Variants in ACAD10 observed in about 807,000 individuals in gnomAD.
The protein encoded by ACAD10 is acyl-CoA dehydrogenase family member 10.
ACAD10 carries 112 observed loss-of-function variants against 116.8 expected under a neutral mutation model. That is an observed-to-expected ratio of 0.96 (90% CI 0.82 to 1.12). The LOEUF (loss-of-function observed/expected upper bound fraction) is 1.12, where lower values mean the gene tolerates loss of function less well. Among genes scored for constraint, ACAD10 ranks in the 50% most tolerant of loss-of-function variants. The probability of loss-of-function intolerance (pLI) is 0.00; values close to 1 mark genes in which losing one functional copy is unlikely to be tolerated. For missense variants in ACAD10, 1,259 were observed against 1,350.2 expected, an observed-to-expected ratio of 0.93 and a Z score of 1.06; for synonymous variants, 486 against 510.6, an observed-to-expected ratio of 0.95 and a Z score of 0.65.
chr12:111,749,466 C>A, intron 18 of ACAD10, 121 bp downstream of exon 18: 1 of 1,330,462 alleles, frequency 7.5e-7, no homozygotes, highest in Non-Finnish European at 1.0e-6. Flanking sequence ...AGGTGATGTC[C>A]TTGCCAAGAA....
intron 4 of ACAD10, among the ~76,000 whole-genome samples, 176 bp from the exon 5 acceptor site, chr12:111,709,350 T>G (rs1217999303): frequency 6.6e-6 from 1 of 152,226 alleles, no homozygotes; most frequent in East Asian, 1.9e-4. Context: ...CCCAGTATTG[T>G]CAAATTACTC....
chr12:111,717,977 T>A (rs1238781069), intron 7 of ACAD10, among the ~76,000 whole-genome samples: 1 of 151,978 alleles, frequency 6.6e-6, no homozygotes, highest in African/African-American at 2.4e-5. Context: ...CTGTTGAATT[T>A]ATGATTTATA....
intron 2 of ACAD10, among the ~76,000 whole-genome samples, chr12:111,700,725 T>G (rs886928453): frequency 4.7e-5 from 7 of 150,318 alleles, no homozygotes; most frequent in African/African-American, 1.7e-4. Context: ...CCTTTTACTT[T>G]CCTTCCTTCC....
chr12:111,692,486 A>G (rs1237620658), intron 1 of ACAD10, among the ~76,000 whole-genome samples: 1 of 152,232 alleles, frequency 6.6e-6, no homozygotes, highest in African/African-American at 2.4e-5. Flanking sequence ...GGCGAGTCCC[A>G]GCTTTCTAGC....
At chr12:111,698,532 T>G (rs1888255632) in intron 2 of ACAD10, among the ~76,000 whole-genome samples, 5 of 151,616 alleles carry the variant, frequency 3.3e-5, no homozygotes, top group African/African-American at 9.7e-5. Context: ...AGCTGGAATG[T>G]AATGGTGCAA....
chr12:111,687,418 C>A (rs547637717), intron 1 of ACAD10, among the ~76,000 whole-genome samples: 2 of 152,156 alleles, frequency 1.3e-5, no homozygotes, highest in African/African-American at 4.8e-5. Context: ...ACATCCCTGG[C>A]CTGACCCACT....
intron 8 of ACAD10, among the ~76,000 whole-genome samples, chr12:111,722,395 A>G (rs1054463569): frequency 2.6e-5 from 4 of 151,558 alleles, no homozygotes; most frequent in Non-Finnish European, 5.9e-5. Flanking sequence ...TTATTTATTT[A>G]TTTATTTTTT....
rs1888087570 is a variant in ACAD10 at position 111,692,736 on chromosome 12, C to T, written c.27C>T (p.Ser9=). Residue 9 remains serine, a synonymous_variant, in exon 2 of 21, where the codon TCC becomes TCT. Coordinates refer to ENST00000313698, the MANE Select transcript of ACAD10 (RefSeq NM_025247.6). MCVRSCFQ[S]PRLQWVWRTA... ...TGTGTGTCAGGAGCTGTTTCCAGTC[C>T]CCCCGTCTCCAGTGGGTGTGGAGAA... 6.2e-7 allele frequency: 1 copy of T among 1,613,972 alleles called. No homozygotes were observed. Among genetic ancestry groups the T allele is most frequent in the Admixed American group, 1.7e-5 (1 of 59,992 alleles).
chr12:111,748,988 G>A, intron 17 of ACAD10, 185 bp from the exon 18 acceptor site: 1 of 1,600,668 alleles, frequency 6.2e-7, no homozygotes, highest in South Asian at 1.1e-5. Context: ...ATAAATCAGT[G>A]ATTCATTTTC....
Position 111,755,649 on chromosome 12 carries a change from C to T in ACAD10, c.2962-19C>T, listed in dbSNP as rs1321499083. On this transcript the variant is annotated intron_variant, in intron 19 of 20. Transcript: ENST00000313698. Reference sequence around the variant, plus strand: ...GCTGCCCTCGGGTCTTTTATGATCGCATCTCCTCCTCCTTACAGGCTGCAG... The same window carrying T: ...GCTGCCCTCGGGTCTTTTATGATCGTATCTCCTCCTCCTTACAGGCTGCAG... The T allele has an allele frequency of 1.2e-6, 2 of 1,609,954 alleles. No homozygotes were observed. Among genetic ancestry groups the T allele is most frequent in the Non-Finnish European group, 1.7e-6 (2 of 1,177,046 alleles).
In ACAD10 at chr12:111,756,334, C is replaced by T. The variant is rs775527144; in HGVS notation, c.3041C>T (p.Ala1014Val). 3 of 1,599,146 alleles carry T rather than the reference C, an allele frequency of 1.9e-6. No homozygotes were observed. Among genetic ancestry groups the T allele is most frequent in the Non-Finnish European group, 2.6e-6 (3 of 1,174,810 alleles). The change falls in exon 21 of 21, where the codon GCC becomes GTC. Residue 1014 changes from alanine (A) to valine (V), a missense_variant and splice_region_variant. Transcript: ENST00000313698. ...CTCCCTCCACTCTGTGTCTGCCAGG[C>T]CTTTGGAGCAGCAGGCCTGAGCAGC... Reference protein sequence around the residue: ...ASRVIDRAIQAFGAAGLSSDY... With the variant: ...ASRVIDRAIQVFGAAGLSSDY...
At position 111,755,940 on chromosome 12, in the gene ACAD10, T is replaced by C. The variant is rs1593060931; in HGVS notation, c.3039+195T>C. 30 of 710,492 alleles carry C rather than the reference T, an allele frequency of 4.2e-5. No individual in the cohort carries two copies. In the East Asian group the frequency reaches 8.3e-4, roughly 20 times the overall value. The allele number at this position is 710,492 out of a possible 1,614,324, so 44.0% of individuals were successfully genotyped here. A position where few individuals can be genotyped will look rare whatever the true frequency, so the allele number is the denominator to read the frequency against. On this transcript the variant is annotated intron_variant, in intron 20 of 20. Transcript: ENST00000313698. ...GGTGCCATCGTACCCCCATTTTGAA[T>C]GTGAGGAAACAGGCACAGAAAAGTG...
chr12:111,732,934 G>C (rs1345988954), intron 10 of ACAD10, among the ~76,000 whole-genome samples: 1 of 152,222 alleles, frequency 6.6e-6, no homozygotes, highest in Non-Finnish European at 1.5e-5. Context: ...TTATTTCAAA[G>C]TAGGGCGGCT....
chr12:111,737,657 T>C (rs1315788493), intron 12 of ACAD10, among the ~76,000 whole-genome samples: 1 of 152,220 alleles, frequency 6.6e-6, no homozygotes, highest in East Asian at 1.9e-4. Flanking sequence ...TGTTAAGAGT[T>C]TCCTGGGCCC....
At position 111,747,194 on chromosome 12, in the gene ACAD10, G is replaced by T. The variant is rs371833332; in HGVS notation, c.2394+8G>T. The T allele has an allele frequency of 1.5e-5, 24 of 1,607,898 alleles. No homozygotes were observed. The highest frequency in any genetic ancestry group is 2.7e-5 in the African/African-American group (2 of 74,824). On this transcript the variant is annotated splice_region_variant and intron_variant, in intron 15 of 20. Coordinates refer to ENST00000313698, the MANE Select transcript of ACAD10 (RefSeq NM_025247.6). ...GCTATGACCGAGCCCCAGGTACGTC[G>T]CCTGGGCTGCCACCCACTTGCCTGG...
intron 10 of ACAD10, among the ~76,000 whole-genome samples, chr12:111,730,433 T>A (rs555976568): frequency 2.6e-5 from 4 of 151,688 alleles, no homozygotes; most frequent in African/African-American, 9.7e-5. Flanking sequence ...TCTCACTGGG[T>A]GTAATGAAAG....
intron 3 of ACAD10, among the ~76,000 whole-genome samples, chr12:111,704,244 C>A (rs1012330437): frequency 6.6e-6 from 1 of 151,632 alleles, no homozygotes. Context: ...CGGGTTCAAG[C>A]GATTCTCCTG....
chr12:111,721,697 G>T lies in ACAD10; in HGVS notation c.1019G>T (p.Gly340Val). 1.2e-6 allele frequency: 2 copies of T among 1,604,934 alleles called. No homozygotes were observed. The change falls in exon 8 of 21, where the codon GGA (glycine) becomes GTA (valine). Residue 340 changes from glycine to valine, a missense_variant. Coordinates refer to ENST00000313698, the MANE Select transcript of ACAD10 (RefSeq NM_025247.6). Reference sequence around the variant, plus strand: ...ATTATGAAAGCCCTTGCAAATGCTGGAGTACCTGTCCCTAACGTTCTTGAT... The same window carrying T: ...ATTATGAAAGCCCTTGCAAATGCTGTAGTACCTGTCCCTAACGTTCTTGAT... ...FRIMKALANA[G>V]VPVPNVLDLC...
intron 12 of ACAD10, among the ~76,000 whole-genome samples, chr12:111,738,320 C>T (rs887107083): frequency 5.3e-5 from 8 of 151,896 alleles, no homozygotes; most frequent in African/African-American, 1.9e-4. Flanking sequence ...GTGGCGGGTG[C>T]CTGTAATCCC....
Sources: allele counts gnomAD v4.1 joint callset (sites outside exome capture counted in the v4.1 genomes callset), GRCh38; gene constraint gnomAD v4.1.1; transcripts MANE v1.5; gene names NCBI Gene and HGNC (gene_info 2026-07-23, HGNC 2026-07-21).